Variants in SETD1B observed in about 807,000 individuals in gnomAD.
SETD1B encodes the protein histone-lysine N-methyltransferase SETD1B.
SETD1B carries 7 observed loss-of-function variants against 148.0 expected under a neutral mutation model. The observed-to-expected ratio is 0.05, with a 90% CI of 0.03 to 0.09. The LOEUF (loss-of-function observed/expected upper bound fraction) is 0.09, where lower values mean the gene tolerates loss of function less well. SETD1B is among the 10% of genes least tolerant of loss of function. The pLI, the probability that SETD1B is intolerant of heterozygous loss-of-function variation, is 1.00. For synonymous variants in SETD1B, 1,361 were observed against 1,186.5 expected (o/e 1.15, Z -3.02); for missense variants, 2,155 against 2,729.9 (o/e 0.79, Z 4.69).
At chr12:121,813,054 A>AC (rs1245319679) in intron 6 of SETD1B, among the ~76,000 whole-genome samples, 1 of 150,478 alleles carries the variant, frequency 6.6e-6, no homozygotes, top group Non-Finnish European at 1.5e-5. Context: ...TTTACCCCTC[A>AC]CCACCGCCCT....
In SETD1B at chr12:121,822,851, G is replaced by C; in HGVS notation, c.4272G>C (p.Arg1424=). The change falls in exon 12 of 17, where the codon CGG becomes CGC. Residue 1424 remains arginine (R), a synonymous_variant. Coordinates refer to ENST00000604567, the MANE Select transcript of SETD1B (RefSeq NM_001353345.2). The part of the protein sequence containing the change: ...SPSLSSGGLP[R]TPGRDFSFTP... ...GCTTGAGCAGTGGGGGCCTCCCTCG[G>C]ACACCTGGCCGGGACTTCAGCTTCA... 2 of 1,488,118 alleles carry C rather than the reference G, an allele frequency of 1.3e-6. No individual in the cohort carries two copies. Among genetic ancestry groups the C allele is most frequent in the Non-Finnish European group, 1.8e-6 (2 of 1,113,768 alleles). The allele number at this position is 1,488,118 out of a possible 1,614,324, so 92.2% of individuals were successfully genotyped here.
Position 121,808,903 on chromosome 12 carries a change from G to A in SETD1B, c.657+583G>A, listed in dbSNP as rs536038167. Among the ~76,000 whole-genome samples the A allele has an allele frequency of 6.6e-6, 1 of 152,232 alleles. No homozygotes were observed. Among genetic ancestry groups the A allele is most frequent in the Admixed American group, 6.5e-5 (1 of 15,304 alleles). On this transcript the variant is annotated intron_variant, in intron 5 of 16. Coordinates refer to ENST00000604567, the MANE Select transcript of SETD1B (RefSeq NM_001353345.2). This position sits in a 1 kb window ranked among gnomAD's most constrained non-coding sequence, Gnocchi z 5.3. ...TTTATTTTTTTGAGACAGAGTCTCA[G>A]TCTGTCCCCAGGCTGGAGTGCAGTG...
chr12:121,823,385 C>T lies in SETD1B; in HGVS notation c.4806C>T (p.Thr1602=), dbSNP rs1480189454. 3.3e-6 allele frequency: 5 copies of T among 1,518,856 alleles called. No homozygotes were observed. In the South Asian group the frequency reaches 4.8e-5, roughly 15 times the overall value. 94.1% of individuals were successfully genotyped at this position (1,518,856 alleles called of 1,614,324 possible). A position where few individuals can be genotyped will look rare whatever the true frequency, so the allele number is the denominator to read the frequency against. The change falls in exon 12 of 17, where the codon ACC becomes ACT. Residue 1602 remains threonine (T), a synonymous_variant. Coordinates refer to ENST00000604567, the MANE Select transcript of SETD1B (RefSeq NM_001353345.2). ...PPPPPPPVEP[T]KLPFKELDNQ... is the part of the protein sequence containing the mutation. ...CACCTCCCCCACCTGTAGAGCCCAC[C>T]AAGCTGCCCTTTAAGGAGCTAGACA... is the stretch of plus-strand genomic sequence containing the variant.
chr12:121,823,787 A>G, intron 12 of SETD1B, 38 bp downstream of exon 12: 1 of 1,508,306 alleles, frequency 6.6e-7, no homozygotes, highest in Non-Finnish European at 8.9e-7. Context: ...ACCTTCTGGG[A>G]TGCAGGAAGT....
rs571455734 is a variant in SETD1B, at chr12:121,814,465, G to A, written c.2250G>A (p.Pro750=). ...PILPPLPPFP[P]GLFPVMQVDM... ...TGCCACCACTGCCCCCCTTTCCGCC[G>A]GGCCTGTTCCCTGTGATGCAGGTGG... The change falls in exon 7 of 17, where the codon CCG becomes CCA. Residue 750 remains proline (P), a synonymous_variant. Transcript: ENST00000604567. 5.1e-5 allele frequency: 71 copies of A among 1,398,436 alleles called. No homozygotes were observed. Among genetic ancestry groups the A allele is most frequent in the African/African-American group, 3.2e-4 (21 of 64,892 alleles). The allele number at this position is 1,398,436 out of a possible 1,614,324, so 86.6% of individuals were successfully genotyped here.
chr12:121,830,113 A>T lies in SETD1B; in HGVS notation c.5775A>T (p.Ile1925=). 6.4e-7 allele frequency: 1 copy of T among 1,551,436 alleles called. No homozygotes were observed. The highest frequency in any genetic ancestry group is 8.7e-7 in the Non-Finnish European group (1 of 1,146,824). ...KVITVESQKK[I]VIYSKQHINV... ...TCACGGTGGAGTCACAGAAGAAGATAGTCATCTACTCGAAGCAGCACATTA... is the reference window on the plus strand; with the variant it reads ...TCACGGTGGAGTCACAGAAGAAGATTGTCATCTACTCGAAGCAGCACATTA... Residue 1925 remains isoleucine, a synonymous_variant, in exon 17 of 17, where the codon ATA becomes ATT. Coordinates refer to ENST00000604567, the MANE Select transcript of SETD1B (RefSeq NM_001353345.2). The surrounding 1 kb of genome is among the most constrained non-coding windows in gnomAD (Gnocchi z 5.7).
In SETD1B at chr12:121,827,545, C is replaced by T. The variant is rs780659811; in HGVS notation, c.5364C>T (p.His1788=). The change falls in exon 14 of 17, where the codon CAC becomes CAT. Residue 1788 remains histidine (H), a synonymous_variant. Coordinates refer to ENST00000604567, the MANE Select transcript of SETD1B (RefSeq NM_001353345.2). ...GCATGAGCATCCCAGCACAGCCCCA[C>T]GCCTCCACCCGGGCAGGCTCGGAGC... The part of the protein sequence containing the change: ...TQGMSIPAQP[H]ASTRAGSERR... 69 of 1,546,280 alleles carry T rather than the reference C, an allele frequency of 4.5e-5. No individual in the cohort carries two copies. In the Admixed American group the frequency reaches 1.0e-3, roughly 23 times the overall value.
In SETD1B at chr12:121,804,313, G is replaced by A. The variant is rs894886296; in HGVS notation, c.-15+80G>A. 1 of 144,198 alleles carries A rather than the reference G, an allele frequency of 6.9e-6. No individual in the cohort carries two copies. Among genetic ancestry groups the A allele is most frequent in the African/African-American group, 2.5e-5 (1 of 39,220 alleles). The allele number at this position is 144,198 out of a possible 1,614,324, so 8.9% of individuals were successfully genotyped here. ...CCCCGGCCCCGGCCCTGGCCCGAGC[G>A]GGCGAGCGGGCGGGCGGGCGGCGGC... On this transcript the variant is annotated intron_variant, in intron 1 of 16. Transcript: ENST00000604567. This position sits in a 1 kb window ranked among gnomAD's most constrained non-coding sequence, Gnocchi z 4.6.
Position 121,808,291 on chromosome 12 carries a change from G to A in SETD1B, c.628G>A (p.Val210Ile), listed in dbSNP as rs1162660483. 1.3e-6 allele frequency: 2 copies of A among 1,550,754 alleles called. No homozygotes were observed. Among genetic ancestry groups the A allele is most frequent in the Non-Finnish European group, 1.7e-6 (2 of 1,146,668 alleles). ...QTLPVGELDAVSPIVNETLQL... is the reference protein window; with the variant it reads ...QTLPVGELDAISPIVNETLQL... ...CCTCCCAGTGGGCGAGCTGGACGCT[G>A]TCTCTCCAATCGTGAATGAGACCCT... The change falls in exon 5 of 17, where the codon GTC (valine) becomes ATC (isoleucine). Residue 210 changes from valine (V) to isoleucine (I), a missense_variant. By Grantham distance (29) the Val-to-Ile change is conservative (BLOSUM62 3). Around this residue, in one of 11 missense-constraint regions of SETD1B, gnomAD observed 124 missense variants for 282.9 expected, o/e 0.44. Transcript: ENST00000604567. The surrounding 1 kb of genome is among the most constrained non-coding windows in gnomAD (Gnocchi z 5.3).
Position 121,819,907 on chromosome 12 carries a change from A to G in SETD1B, c.3910+12A>G, listed in dbSNP as rs1400314877. On this transcript the variant is annotated intron_variant, in intron 11 of 16. Coordinates refer to ENST00000604567, the MANE Select transcript of SETD1B (RefSeq NM_001353345.2). ...TGAGCGAGCTCCAGGTAACACCTGC[A>G]ACCCCCTGGGAGGGTGGTGGGAGGG... The G allele has an allele frequency of 1.3e-6, 2 of 1,546,588 alleles. No homozygotes were observed. Among genetic ancestry groups the G allele is most frequent in the Non-Finnish European group, 1.7e-6 (2 of 1,145,036 alleles).
Position 121,819,816 on chromosome 12 carries a change from A to G in SETD1B, c.3831A>G (p.Glu1277=). ...EPPEEPGLSQ[E]GAMLLSPEPP... Reference sequence around the variant, plus strand: ...CTGAGGAACCAGGCCTGAGCCAGGAAGGGGCCATGTTGCTGTCTCCAGAGC... The same window carrying G: ...CTGAGGAACCAGGCCTGAGCCAGGAGGGGGCCATGTTGCTGTCTCCAGAGC... Residue 1277 remains glutamate (E), a synonymous_variant, in exon 11 of 17, where the codon GAA becomes GAG. Coordinates refer to ENST00000604567, the MANE Select transcript of SETD1B (RefSeq NM_001353345.2). 2 of 1,551,598 alleles carry G rather than the reference A, an allele frequency of 1.3e-6. No homozygotes were observed. Among genetic ancestry groups the G allele is most frequent in the Non-Finnish European group, 1.7e-6 (2 of 1,146,950 alleles).
At chr12:121,821,169 C>T (rs550509800) in intron 11 of SETD1B, among the ~76,000 whole-genome samples, 12 of 152,252 alleles carry the variant, frequency 7.9e-5, no homozygotes, top group Admixed American at 7.2e-4. Flanking sequence ...TGACTCAATA[C>T]TAAGCCTCTA....
chr12:121,829,984 G>T, intron 16 of SETD1B, 82 bp from the exon 17 acceptor site: 1 of 1,353,670 alleles, frequency 7.4e-7, no homozygotes, highest in South Asian at 1.4e-5. Context: ...TTAAGCACAG[G>T]CCTGGTTGGG....
rs1408543221 is a variant in SETD1B at position 121,810,166 on chromosome 12, C to T, written c.1221C>T (p.Phe407=). 5.2e-6 allele frequency: 8 copies of T among 1,549,916 alleles called. No homozygotes were observed. Among genetic ancestry groups the T allele is most frequent in the Middle Eastern group, 1.7e-4 (1 of 5,992 alleles). ...CGTATCAGACCCCAGTGGCCCACTT[C>T]CCTCCACCCCCGGAAGAGCCCACCG... ...FSPYQTPVAH[F]PPPPEEPTAT... is the part of the protein sequence containing the mutation. Residue 407 remains phenylalanine, a synonymous_variant, in exon 6 of 17, where the codon TTC becomes TTT. Coordinates refer to ENST00000604567, the MANE Select transcript of SETD1B (RefSeq NM_001353345.2). This position sits in a 1 kb window ranked among gnomAD's most constrained non-coding sequence, Gnocchi z 7.6.
Position 121,828,088 on chromosome 12 carries a change from G to C in SETD1B, c.5727+18G>C, listed in dbSNP as rs935388553. 4 of 1,550,922 alleles carry C rather than the reference G, an allele frequency of 2.6e-6. No homozygotes were observed. The highest frequency in any genetic ancestry group is 3.5e-6 in the Non-Finnish European group (4 of 1,146,826). ...GCTGCAACGTGAGTGCCCAGCGGGG[G>C]GTGGCCCCTGCCCCTGCTCCTGCCC... On this transcript the variant is annotated intron_variant, in intron 16 of 16. Coordinates refer to ENST00000604567, the MANE Select transcript of SETD1B (RefSeq NM_001353345.2).
intron 7 of SETD1B, among the ~76,000 whole-genome samples, chr12:121,816,732 C>T (rs144533718): frequency 3.1e-3 from 472 of 152,328 alleles, no homozygotes; most frequent in African/African-American, 0.011. Context: ...GGTGGTGTTG[C>T]ACAGATGTGT....
At chr12:121,812,266 A>T (rs910948629) in intron 6 of SETD1B, among the ~76,000 whole-genome samples, 6 of 152,050 alleles carry the variant, frequency 3.9e-5, no homozygotes, top group Non-Finnish European at 8.8e-5. Context: ...CCGAGGGTGC[A>T]GGGGGGGCTT....
At chr12:121,816,946 A>C (rs769261450) in intron 7 of SETD1B, 87 bp from the exon 8 acceptor site, 102 of 1,235,072 alleles carry the variant, frequency 8.3e-5, no homozygotes, top group Non-Finnish European at 1.1e-4. Context: ...GTTACTGCCG[A>C]GTGGAAGGCA....
intron 16 of SETD1B, among the ~76,000 whole-genome samples, chr12:121,829,379 C>T (rs751287519): frequency 3.9e-5 from 6 of 152,296 alleles, no homozygotes; most frequent in East Asian, 1.9e-4. Flanking sequence ...CTGAACTCAC[C>T]GGCCCTGGTT....
Sources: allele counts gnomAD v4.1 joint callset (sites outside exome capture counted in the v4.1 genomes callset), GRCh38; gene constraint gnomAD v4.1.1; regional missense constraint gnomAD v4.1.1; non-coding constraint Gnocchi (gnomAD v3.1); transcripts MANE v1.5; gene names NCBI Gene and HGNC (gene_info 2026-07-23, HGNC 2026-07-21).